Variants in GLP2R observed in about 807,000 individuals in gnomAD.
GLP2R encodes glucagon-like peptide 2 receptor.
A neutral mutation model predicts 68.2 loss-of-function variants in GLP2R; 59 were observed. The observed-to-expected ratio is 0.87, with a 90% CI of 0.70 to 1.07. The LOEUF (loss-of-function observed/expected upper bound fraction) is 1.07, where lower values mean the gene tolerates loss of function less well. Ranked by LOEUF, GLP2R falls within the 50% of genes least tolerant of loss-of-function variation. The pLI, the probability that GLP2R is intolerant of heterozygous loss-of-function variation, is 0.00. For synonymous variants in GLP2R, 270 were observed against 265.4 expected (o/e 1.02, Z -0.17); for missense variants, 548 against 677.4 (o/e 0.81, Z 2.12).
At chr17:9,833,165 G>A (rs913705797) in intron 1 of GLP2R, among the ~76,000 whole-genome samples, 2 of 152,026 alleles carry the variant, frequency 1.3e-5, no homozygotes, top group African/African-American at 4.8e-5. Context: ...CGGGGAGGCT[G>A]AGGCAGGAGA....
chr17:9,871,953 G>A (rs982564080), intron 10 of GLP2R, among the ~76,000 whole-genome samples: 1 of 152,078 alleles, frequency 6.6e-6, no homozygotes, highest in African/African-American at 2.4e-5. Context: ...TCAAACTCCT[G>A]ACCTCATGAT....
At chr17:9,835,799 G>A (rs1001751696) in intron 2 of GLP2R, among the ~76,000 whole-genome samples, 4 of 152,034 alleles carry the variant, frequency 2.6e-5, no homozygotes, top group Admixed American at 2.6e-4. Flanking sequence ...CCAGCACTTT[G>A]GGAAGCCGAG....
intron 12 of GLP2R, among the ~76,000 whole-genome samples, 156 bp from the exon 13 acceptor site, chr17:9,889,214 G>A (rs1339468068): frequency 6.6e-6 from 1 of 152,174 alleles, no homozygotes; most frequent in Non-Finnish European, 1.5e-5. Flanking sequence ...ATCACCACCA[G>A]ACATGTTTAT....
At chr17:9,871,110 G>A (rs751171220) in intron 10 of GLP2R, among the ~76,000 whole-genome samples, 2 of 152,176 alleles carry the variant, frequency 1.3e-5, no homozygotes, top group Admixed American at 1.3e-4. Flanking sequence ...TCTCAGACCT[G>A]TAATCCCAGG....
At chr17:9,827,922 T>C (rs185662090) in intron 1 of GLP2R, among the ~76,000 whole-genome samples, 53 of 147,466 alleles carry the variant, frequency 3.6e-4, no homozygotes, top group African/African-American at 1.2e-3. Context: ...GATCACGCCA[T>C]TGCACTCCAG....
chr17:9,847,559 C>T lies in GLP2R; in HGVS notation c.504+4943C>T, dbSNP rs1019745547. ...CTGGGATTACAGGTGTGAGCCACCG[C>T]GCCCGGCCATCGTTTAATTTTTAAG... On this transcript the variant is annotated intron_variant, in intron 4 of 12. Coordinates refer to ENST00000262441, the MANE Select transcript of GLP2R (RefSeq NM_004246.3). 4.6e-5 allele frequency among the ~76,000 whole-genome samples: 7 copies of T among 152,260 alleles called. No homozygotes were observed. The East Asian group carries it at 5.8e-4, about 13-fold the overall frequency.
chr17:9,846,858 A>C (rs1417787412), intron 4 of GLP2R, among the ~76,000 whole-genome samples: 1 of 152,236 alleles, frequency 6.6e-6, no homozygotes, highest in Non-Finnish European at 1.5e-5. Flanking sequence ...TAAGGAGACA[A>C]ACTGGTCCAA....
Position 9,854,685 on chromosome 17 carries a change from G to A in GLP2R, c.611+84G>A. 9.7e-6 allele frequency: 8 copies of A among 821,378 alleles called. No homozygotes were observed. In the South Asian group the frequency reaches 1.1e-4, roughly 11 times the overall value. 50.9% of individuals were successfully genotyped at this position (821,378 alleles called of 1,614,324 possible). On this transcript the variant is annotated intron_variant, in intron 5 of 12. Transcript: ENST00000262441. ...CAGGGGATATGTTCTAAGAGTTCCA[G>A]TAGATGCCTGAAACCAGGGGTAGAA...
At chr17:9,887,090 C>T (rs1018199668) in intron 11 of GLP2R, among the ~76,000 whole-genome samples, 4 of 152,108 alleles carry the variant, frequency 2.6e-5, no homozygotes, top group African/African-American at 9.7e-5. Context: ...ACTGGAGCAC[C>T]TTAGATTCCA....
chr17:9,848,285 C>A (rs1433158160), intron 4 of GLP2R, among the ~76,000 whole-genome samples: 1 of 152,058 alleles, frequency 6.6e-6, no homozygotes, highest in East Asian at 1.9e-4. Flanking sequence ...TGTTTGAGAA[C>A]AACAACAAAG....
chr17:9,868,046 C>T (rs1369097217), intron 9 of GLP2R, among the ~76,000 whole-genome samples: 3 of 152,196 alleles, frequency 2.0e-5, no homozygotes, highest in Admixed American at 6.5e-5. Context: ...AGCTTTGCTA[C>T]ACCCCATCTT....
chr17:9,833,226 T>G (rs2066696595), intron 1 of GLP2R, among the ~76,000 whole-genome samples: 1 of 151,160 alleles, frequency 6.6e-6, no homozygotes, highest in African/African-American at 2.4e-5. Context: ...ATCGCACCAT[T>G]GCACTCCAGC....
Position 9,842,747 on chromosome 17 carries a change from G to A in GLP2R, c.504+131G>A, listed in dbSNP as rs1476173523. The A allele has an allele frequency of 1.7e-5, 16 of 950,306 alleles. No individual in the cohort carries two copies. In the Middle Eastern group the frequency reaches 1.0e-3, roughly 61 times the overall value. 58.9% of individuals were successfully genotyped at this position (950,306 alleles called of 1,614,324 possible). A position where few individuals can be genotyped will look rare whatever the true frequency, so the allele number is the denominator to read the frequency against. On this transcript the variant is annotated intron_variant, in intron 4 of 12. Transcript: ENST00000262441. ...CAGCGCCTCTCCCCGGGGAAGCTAA[G>A]GAAGGTCCCGCAAAGCAGCAACCCT...
chr17:9,867,135 C>A (rs1415933897), intron 9 of GLP2R, among the ~76,000 whole-genome samples: 1 of 152,164 alleles, frequency 6.6e-6, no homozygotes, highest in African/African-American at 2.4e-5. Flanking sequence ...CAAATTTGAG[C>A]CTGGGCCCAA....
intron 12 of GLP2R, 23 bp from the exon 13 acceptor site, chr17:9,889,347 C>G: frequency 6.5e-7 from 1 of 1,540,040 alleles, no homozygotes; most frequent in South Asian, 1.1e-5. Context: ...AGACAGTAAC[C>G]TCTCACTTGT....
intron 4 of GLP2R, chr17:9,853,039 C>T: frequency 4.0e-6 from 2 of 495,174 alleles, no homozygotes; most frequent in Non-Finnish European, 7.5e-6. Context: ...GATTTCAAAG[C>T]CCCCATGGAA....
At chr17:9,859,128 G>A (rs1236884494) in intron 6 of GLP2R, among the ~76,000 whole-genome samples, 2 of 151,848 alleles carry the variant, frequency 1.3e-5, no homozygotes, top group African/African-American at 4.8e-5. Context: ...ATAAGGTTTG[G>A]TATTAACCGT....
intron 4 of GLP2R, 99 bp downstream of exon 4, chr17:9,842,715 G>C (rs2066799465): frequency 2.4e-5 from 31 of 1,290,766 alleles, no homozygotes; most frequent in Non-Finnish European, 3.2e-5. Context: ...ACACAAAGAG[G>C]CTTCTCCAGC....
chr17:9,878,813 C>T (rs1567736959), intron 10 of GLP2R, among the ~76,000 whole-genome samples: 1 of 152,180 alleles, frequency 6.6e-6, no homozygotes, highest in East Asian at 1.9e-4. Context: ...AGAGTTAAAC[C>T]TTCCTTAAGA....
Sources: gnomAD v4.1 joint callset for allele counts (sites outside exome capture counted in the v4.1 genomes callset) on GRCh38, gnomAD v4.1.1 for gene constraint, MANE v1.5 for transcripts, NCBI Gene and HGNC (gene_info 2026-07-23, HGNC 2026-07-21) for gene names.